Variants in ATAD2B observed in about 807,000 individuals in gnomAD.
ATAD2B encodes ATPase family AAA domain containing 2B, also known as ATPase family AAA domain-containing protein 2B.
In ATAD2B, 40 loss-of-function variants were observed where a neutral mutation model predicts 167.6. That is an observed-to-expected ratio of 0.24 (90% confidence interval 0.19 to 0.31). ATAD2B has a LOEUF of 0.31. ATAD2B is among the 10% of genes least tolerant of loss of function. ATAD2B has a pLI of 1.00. For synonymous variants in ATAD2B, 579 were observed against 596.5 expected (o/e 0.97, Z 0.43); for missense variants, 1,242 against 1,757.2 (o/e 0.71, Z 5.24).
At chr2:23,700,983 A>G in the ATAD2B span, among the ~76,000 whole-genome samples, 1 of 152,140 alleles carries the variant, frequency 6.6e-6, no homozygotes, top group Non-Finnish European at 1.5e-5. The surrounding 1 kb of genome is among the most constrained non-coding windows in gnomAD (Gnocchi z 4.6). Context: ...TTCCATTTCC[A>G]GCTTTGTGCC....
chr2:23,888,106 CT>C, intron 3 of ATAD2B, 121 bp from the exon 4 acceptor site: 1 of 816,160 alleles, frequency 1.2e-6, no homozygotes, highest in Non-Finnish European at 1.8e-6. Context: ...TTTTAAATGG[CT>C]TTAATAGTCA....
At chr2:23,878,521 T>C (rs952841492) in intron 7 of ATAD2B, among the ~76,000 whole-genome samples, 2 of 151,154 alleles carry the variant, frequency 1.3e-5, no homozygotes, top group Admixed American at 1.3e-4. Flanking sequence ...TAGCCAGGCG[T>C]GGTGGCAGGC....
chr2:23,851,050 A>G (rs1439853230), intron 13 of ATAD2B, among the ~76,000 whole-genome samples: 1 of 152,236 alleles, frequency 6.6e-6, no homozygotes, highest in Non-Finnish European at 1.5e-5. Context: ...GGTCCTCACC[A>G]GACACTAAAT....
chr2:23,691,400 C>T, the ATAD2B span: 3 of 505,532 alleles, frequency 5.9e-6, no homozygotes, highest in Non-Finnish European at 1.1e-5. Context: ...TCCTCGTCCC[C>T]ATCCATAGCT....
the ATAD2B span, chr2:23,695,667 C>T: frequency 1.9e-6 from 3 of 1,551,632 alleles, no homozygotes; most frequent in Non-Finnish European, 2.6e-6. This position sits in a 1 kb window ranked among gnomAD's most constrained non-coding sequence, Gnocchi z 7.6. Context: ...CCTTCATCCA[C>T]CCCAGCTACC....
At chr2:23,734,578 A>C in the ATAD2B span, among the ~76,000 whole-genome samples, 2 of 152,208 alleles carry the variant, frequency 1.3e-5, no homozygotes, top group Non-Finnish European at 2.9e-5. Flanking sequence ...ATGCAGGGGA[A>C]GTAGGCACGT....
At chr2:23,836,637 G>A (rs1255632600) in intron 13 of ATAD2B, among the ~76,000 whole-genome samples, 1 of 152,168 alleles carries the variant, frequency 6.6e-6, no homozygotes, top group Non-Finnish European at 1.5e-5. Context: ...CCTGGAGTGG[G>A]CAGCTCCTCT....
In ATAD2B at chr2:23,795,627, T is replaced by C. The variant is rs545483928; in HGVS notation, c.2640+2511A>G. 1.2e-4 allele frequency among the ~76,000 whole-genome samples: 18 copies of C among 152,276 alleles called. No homozygotes were observed. In the East Asian group the frequency reaches 2.7e-3, roughly 23 times the overall value. ...TAGGCGCAGTGGCTCACCCCTGTAATCCTAGCACTTTGGGAGGCCGAGGTG... is the reference window on the plus strand; with the variant it reads ...TAGGCGCAGTGGCTCACCCCTGTAACCCTAGCACTTTGGGAGGCCGAGGTG... On this transcript the variant is annotated intron_variant, in intron 19 of 27. Coordinates refer to ENST00000238789, the MANE Select transcript of ATAD2B (RefSeq NM_017552.4).
chr2:23,744,936 A>T (rs1202623553), downstream of ATAD2B, among the ~76,000 whole-genome samples: 1 of 152,156 alleles, frequency 6.6e-6, no homozygotes, highest in Non-Finnish European at 1.5e-5. Flanking sequence ...GGTGGTAGGA[A>T]CATGCATGTT....
At chr2:23,910,744 T>C (rs1278189103) in intron 1 of ATAD2B, among the ~76,000 whole-genome samples, 1 of 151,884 alleles carries the variant, frequency 6.6e-6, no homozygotes, top group Non-Finnish European at 1.5e-5. Flanking sequence ...GGAGCACGCC[T>C]GTAGTTCCAG....
At position 23,898,683 on chromosome 2, in the gene ATAD2B, T is replaced by C. The variant is rs546767460; in HGVS notation, c.217-2713A>G. ...GACTCTTTTTGTCAAGAAGTATCTA[T>C]AATCCTTTTCAATATGCTACCATAT... On this transcript the variant is annotated intron_variant, in intron 1 of 27. Coordinates refer to ENST00000238789, the MANE Select transcript of ATAD2B (RefSeq NM_017552.4). 3.3e-5 allele frequency among the ~76,000 whole-genome samples: 5 copies of C among 152,340 alleles called. No homozygotes were observed. In the South Asian group the frequency reaches 8.3e-4, roughly 25 times the overall value.
At chr2:23,759,075 G>C (rs1676311367) in intron 24 of ATAD2B, among the ~76,000 whole-genome samples, 1 of 152,140 alleles carries the variant, frequency 6.6e-6, no homozygotes, top group Non-Finnish European at 1.5e-5. Flanking sequence ...GCATAATACA[G>C]TTAAGTGTTC....
At chr2:23,907,463 A>G (rs1490411519) in intron 1 of ATAD2B, among the ~76,000 whole-genome samples, 1 of 152,118 alleles carries the variant, frequency 6.6e-6, no homozygotes, top group Non-Finnish European at 1.5e-5. Flanking sequence ...TCAAGGAAAT[A>G]AAAGAGGATA....
chr2:23,685,521 G>T, the ATAD2B span: 1 of 152,336 alleles, frequency 6.6e-6, no homozygotes, highest in East Asian at 1.9e-4. Flanking sequence ...TAACCCCGGA[G>T]TGACTGTGTT....
At chr2:23,880,959 C>T (rs1430325164) in intron 6 of ATAD2B, among the ~76,000 whole-genome samples, 1 of 152,148 alleles carries the variant, frequency 6.6e-6, no homozygotes, top group Non-Finnish European at 1.5e-5. Flanking sequence ...TGCCAATGAT[C>T]AATACAATTA....
chr2:23,884,678 G>A, intron 6 of ATAD2B, 87 bp downstream of exon 6: 2 of 660,198 alleles, frequency 3.0e-6, no homozygotes, highest in South Asian at 3.0e-5. Context: ...CAACTACTCA[G>A]CAACATTCTA....
chr2:23,678,647 G>A, the ATAD2B span, among the ~76,000 whole-genome samples: 1 of 152,184 alleles, frequency 6.6e-6, no homozygotes, highest in African/African-American at 2.4e-5. Flanking sequence ...ATAGCAAAAT[G>A]GTGGCAGCAA....
the ATAD2B span, among the ~76,000 whole-genome samples, chr2:23,736,721 G>A: frequency 6.6e-6 from 1 of 152,194 alleles, no homozygotes; most frequent in African/African-American, 2.4e-5. Context: ...AGCCTACCGT[G>A]CGCGAGCCGA....
chr2:23,917,631 A>T (rs1703234973), intron 1 of ATAD2B, among the ~76,000 whole-genome samples: 1 of 152,102 alleles, frequency 6.6e-6, no homozygotes, highest in South Asian at 2.1e-4. Flanking sequence ...AGCCAACTTA[A>T]AAATACTGAG....
Sources: gnomAD v4.1 joint callset for allele counts (sites outside exome capture counted in the v4.1 genomes callset) on GRCh38, gnomAD v4.1.1 for gene constraint, Gnocchi (gnomAD v3.1) non-coding constraint, MANE v1.5 for transcripts, NCBI Gene and HGNC (gene_info 2026-07-23, HGNC 2026-07-21) for gene names.